The following CELF2 variants were observed in gnomAD, a reference collection of about 807,000 sequenced individuals.
CELF2 encodes the protein CUG triplet repeat RNA-binding protein 2.
Under a neutral mutation model 62.6 loss-of-function variants are expected in CELF2, and 8 were observed. That is an observed-to-expected ratio of 0.13 (90% CI 0.07 to 0.23). The LOEUF is 0.23. CELF2 is among the 10% of genes least tolerant of loss of function. CELF2 has a pLI of 1.00. For synonymous variants in CELF2, 258 were observed against 250.0 expected, an observed-to-expected ratio of 1.03 and a Z score of -0.30; for missense variants, 333 against 671.0, an observed-to-expected ratio of 0.50 and a Z score of 5.56.
intron 1 of CELF2, among the ~76,000 whole-genome samples, chr10:10,882,453 AC>A (rs1184888376): frequency 1.3e-5 from 2 of 152,204 alleles, no homozygotes; most frequent in Non-Finnish European, 2.9e-5. Flanking sequence ...TCACTAAATT[AC>A]TTGTCTGAAC....
the CELF2 span, among the ~76,000 whole-genome samples, chr10:10,668,499 A>G: frequency 1.3e-5 from 2 of 152,246 alleles, no homozygotes; most frequent in Non-Finnish European, 1.5e-5. Context: ...CACGGTACGC[A>G]GTTTGGGCTA....
intron 1 of CELF2, among the ~76,000 whole-genome samples, chr10:10,915,703 G>A (rs921334675): frequency 5.3e-5 from 8 of 152,160 alleles, no homozygotes; most frequent in African/African-American, 9.7e-5. Flanking sequence ...CCAAAGTGCC[G>A]GGATTATAGG....
chr10:10,607,487 G>C, the CELF2 span, among the ~76,000 whole-genome samples: 2 of 152,072 alleles, frequency 1.3e-5, no homozygotes, highest in African/African-American at 4.8e-5. Flanking sequence ...TTCTAAAAAA[G>C]CAGCAGGTGT....
chr10:11,093,422 G>A (rs2048877389), intron 1 of CELF2, among the ~76,000 whole-genome samples: 1 of 152,174 alleles, frequency 6.6e-6, no homozygotes, highest in Non-Finnish European at 1.5e-5. Context: ...ATTTATTTAT[G>A]TAAGTCAATC....
At chr10:10,582,891 A>G in the CELF2 span, among the ~76,000 whole-genome samples, 1 of 152,302 alleles carries the variant, frequency 6.6e-6, no homozygotes, top group African/African-American at 2.4e-5. Flanking sequence ...ATTTAGAAAG[A>G]AGGAAGTGAT....
Position 11,189,992 on chromosome 10 carries a change from G to C in CELF2, c.271+24310G>C, listed in dbSNP as rs1199327776. ...GTACTTCCATCTCTTTTTGTTGACA[G>C]CTTCTCTTTGTTCAGGTTCTCCATT... On this transcript the variant is annotated intron_variant, in intron 2 of 12. Coordinates refer to ENST00000633077, the MANE Select transcript of CELF2 (RefSeq NM_001326342.2). 2.6e-5 allele frequency among the ~76,000 whole-genome samples: 4 copies of C among 152,116 alleles called. No homozygotes were observed. The East Asian group carries it at 5.8e-4, about 22-fold the overall frequency.
At chr10:11,320,832 T>G (rs1462343987) in intron 10 of CELF2, 15 of 1,533,162 alleles carry the variant, frequency 9.8e-6, no homozygotes, top group South Asian at 4.8e-5. Context: ...TAAGGTTTTT[T>G]TTTTTTTTTT....
intron 1 of CELF2, among the ~76,000 whole-genome samples, chr10:11,040,921 C>T (rs998351037): frequency 6.6e-6 from 1 of 152,244 alleles, no homozygotes; most frequent in African/African-American, 2.4e-5. Context: ...AGCTGCTGTT[C>T]TATGGCCTCC....
chr10:11,230,923 C>T (rs1279351144), intron 3 of CELF2, among the ~76,000 whole-genome samples: 3 of 152,232 alleles, frequency 2.0e-5, no homozygotes, highest in African/African-American at 7.2e-5. Context: ...TCATCATTCA[C>T]GGACTCGAAA....
intron 1 of CELF2, among the ~76,000 whole-genome samples, chr10:11,160,714 C>A (rs532370064): frequency 1.3e-5 from 2 of 149,064 alleles, no homozygotes; most frequent in Non-Finnish European, 3.0e-5. Context: ...GATTTTCTAT[C>A]TTTACGCACA....
rs535251391 is a variant in CELF2, at chr10:11,247,016, C to G, written c.355-2137C>G. Among the ~76,000 whole-genome samples the G allele has an allele frequency of 6.6e-4, 100 of 152,346 alleles. No individual in the cohort carries two copies. The highest frequency in any genetic ancestry group is 1.0e-3 in the Non-Finnish European group (69 of 68,032). On this transcript the variant is annotated intron_variant, in intron 3 of 12. Coordinates refer to ENST00000633077, the MANE Select transcript of CELF2 (RefSeq NM_001326342.2). The surrounding 1 kb of genome is among the most constrained non-coding windows in gnomAD (Gnocchi z 5.4). ...TGTACAGACCTGGAGTTCCCCTTCT[C>G]CACCATCCCCACAACCAGCCAGTCG...
intron 1 of CELF2, among the ~76,000 whole-genome samples, chr10:11,127,936 T>C (rs1322089767): frequency 6.6e-6 from 1 of 152,216 alleles, no homozygotes; most frequent in Non-Finnish European, 1.5e-5. Context: ...TTTTGGTGTT[T>C]TAGACATGAA....
At chr10:10,585,829 A>T in the CELF2 span, among the ~76,000 whole-genome samples, 665 of 152,268 alleles carry the variant, frequency 4.4e-3, 25 homozygotes, top group East Asian at 0.096. Flanking sequence ...TTGCTGGGTA[A>T]ATACCAATTT....
intron 2 of CELF2, among the ~76,000 whole-genome samples, chr10:10,958,593 C>G (rs898002752): frequency 6.6e-6 from 1 of 152,136 alleles, no homozygotes; most frequent in South Asian, 2.1e-4. Flanking sequence ...CATGGTGGCT[C>G]AGAGGTTTGG....
the CELF2 span, chr10:10,788,887 G>A: frequency 6.6e-6 from 1 of 152,114 alleles, no homozygotes; most frequent in Non-Finnish European, 1.5e-5. Flanking sequence ...TTGGAGCTGG[G>A]TTAGGGCCCC....
intron 1 of CELF2, among the ~76,000 whole-genome samples, chr10:11,070,326 G>A (rs1224289346): frequency 6.6e-6 from 1 of 152,144 alleles, no homozygotes; most frequent in African/African-American, 2.4e-5. Context: ...GGTGGGGCGA[G>A]GCTGGAGAGG....
chr10:10,903,699 A>G (rs1335962374), intron 1 of CELF2, among the ~76,000 whole-genome samples: 2 of 152,214 alleles, frequency 1.3e-5, no homozygotes, highest in African/African-American at 4.8e-5. Context: ...GGTGATGAGT[A>G]TCCACCCTGT....
the CELF2 span, among the ~76,000 whole-genome samples, chr10:10,566,644 C>G: frequency 1.3e-5 from 2 of 149,838 alleles, no homozygotes; most frequent in African/African-American, 4.9e-5. Flanking sequence ...GTTCAATTCC[C>G]ACCTATGAGT....
chr10:10,707,006 C>T, the CELF2 span, among the ~76,000 whole-genome samples: 2,511 of 152,298 alleles, frequency 0.016, 33 homozygotes, highest in African/African-American at 0.037. Context: ...GCCCACTACT[C>T]GGATTTCATC....
Sources: allele counts gnomAD v4.1 joint callset (sites outside exome capture counted in the v4.1 genomes callset), GRCh38; gene constraint gnomAD v4.1.1; non-coding constraint Gnocchi (gnomAD v3.1); transcripts MANE v1.5; gene names NCBI Gene and HGNC (gene_info 2026-07-23, HGNC 2026-07-21).